The following ATL1 variants were observed in gnomAD, a reference collection of about 807,000 sequenced individuals.
ATL1 encodes atlastin-1.
In ATL1, 31 loss-of-function variants were observed where a neutral mutation model predicts 75.5. The observed-to-expected ratio is 0.41, with a 90% CI of 0.31 to 0.55. ATL1 has a LOEUF of 0.55. Ranked by LOEUF, ATL1 falls within the 20% of genes least tolerant of loss-of-function variation. The probability of loss-of-function intolerance (pLI) is 0.27; values close to 1 mark genes in which losing one functional copy is unlikely to be tolerated. For synonymous variants in ATL1, 226 were observed against 233.3 expected (o/e 0.97, Z 0.28); for missense variants, 405 against 662.6 (o/e 0.61, Z 4.27).
chr14:50,536,018 G>A (rs2038486992), intron 1 of ATL1, among the ~76,000 whole-genome samples: 1 of 152,246 alleles, frequency 6.6e-6, no homozygotes, highest in Non-Finnish European at 1.5e-5. Flanking sequence ...GACATGACTT[G>A]CTCTTCCTTG....
chr14:50,605,133 T>C (rs2039305239), intron 6 of ATL1, among the ~76,000 whole-genome samples: 1 of 152,050 alleles, frequency 6.6e-6, no homozygotes, highest in Non-Finnish European at 1.5e-5. Context: ...TTGTCTCTAA[T>C]TTTTCTGCCC....
intron 6 of ATL1, among the ~76,000 whole-genome samples, chr14:50,607,111 C>T (rs1380515143): frequency 6.6e-6 from 1 of 151,908 alleles, no homozygotes; most frequent in Non-Finnish European, 1.5e-5. Flanking sequence ...ACAGATTCAC[C>T]TGGAAGCAAA....
chr14:50,586,335 G>T (rs190978015), intron 1 of ATL1, among the ~76,000 whole-genome samples: 6 of 152,298 alleles, frequency 3.9e-5, no homozygotes, highest in Admixed American at 1.3e-4. Context: ...AGATGAGACT[G>T]CCAGCAGGGC....
intron 1 of ATL1, among the ~76,000 whole-genome samples, chr14:50,565,205 G>C (rs923687230): frequency 6.6e-6 from 1 of 152,038 alleles, no homozygotes; most frequent in African/African-American, 2.4e-5. Flanking sequence ...CAGGAGAATG[G>C]TGTGAACCTG....
intron 1 of ATL1, among the ~76,000 whole-genome samples, chr14:50,551,960 A>T (rs551918001): frequency 2.6e-5 from 4 of 152,292 alleles, no homozygotes; most frequent in African/African-American, 9.6e-5. Flanking sequence ...ACAAGACAAG[A>T]ATACCCACTT....
intron 4 of ATL1, among the ~76,000 whole-genome samples, chr14:50,592,721 C>CT (rs1275062276): frequency 6.6e-6 from 1 of 151,356 alleles, no homozygotes; most frequent in African/African-American, 2.4e-5. Context: ...ACCATCCTGG[C>CT]TAACACGGTG....
At chr14:50,601,580 G>GT (rs1261160230) in intron 6 of ATL1, among the ~76,000 whole-genome samples, 2 of 152,148 alleles carry the variant, frequency 1.3e-5, no homozygotes, top group African/African-American at 2.4e-5. Context: ...TTTAACAACT[G>GT]TTTTTTGCAA....
chr14:50,605,195 A>G (rs2039305835), intron 6 of ATL1, among the ~76,000 whole-genome samples: 1 of 151,556 alleles, frequency 6.6e-6, no homozygotes, highest in Non-Finnish European at 1.5e-5. Flanking sequence ...TTTGTAAATC[A>G]TACGTATTAT....
At chr14:50,595,047 A>C (rs1333598220) in intron 5 of ATL1, among the ~76,000 whole-genome samples, 1 of 151,920 alleles carries the variant, frequency 6.6e-6, no homozygotes. Flanking sequence ...GAAAAAAGAC[A>C]AAGAAAGGAA....
intron 8 of ATL1, among the ~76,000 whole-genome samples, chr14:50,618,825 A>G (rs2140230664): frequency 6.6e-6 from 1 of 151,978 alleles, no homozygotes; most frequent in East Asian, 1.9e-4. Context: ...GCTTTTTTAC[A>G]TAGTATGTGT....
chr14:50,616,017 A>T (rs963183827), intron 8 of ATL1, among the ~76,000 whole-genome samples: 3 of 152,208 alleles, frequency 2.0e-5, no homozygotes, highest in Non-Finnish European at 2.9e-5. Context: ...TTTTAGATAC[A>T]GGGTCTCACT....
chr14:50,590,910 G>A lies in ATL1; in HGVS notation c.283-31G>A, dbSNP rs1445178028. The A allele has an allele frequency of 1.7e-5, 28 of 1,608,958 alleles. No homozygotes were observed. In the East Asian group the frequency reaches 6.2e-4, roughly 36 times the overall value. ...GGAAAAAACTATATACACATATCAAGTTCCATATCATAGACTTTATCATTT... is the reference window on the plus strand; with the variant it reads ...GGAAAAAACTATATACACATATCAAATTCCATATCATAGACTTTATCATTT... On this transcript the variant is annotated intron_variant, in intron 2 of 13. Transcript: ENST00000358385.
rs747362836 is a variant in ATL1, at chr14:50,613,306, A to T, written c.678A>T (p.Ser226=). The stretch of plus-strand genomic sequence containing the variant: ...ACTGGAGTTTCCCATACGAATTTTC[A>T]TATGGAGCCGATGGTGGTGCCAAAT... ...VRDWSFPYEF[S]YGADGGAKFL... is the part of the protein sequence containing the mutation. The change falls in exon 7 of 14, where the codon TCA becomes TCT. Residue 226 remains serine (S), a synonymous_variant. Coordinates refer to ENST00000358385, the MANE Select transcript of ATL1 (RefSeq NM_015915.5). 1 of 1,613,362 alleles carries T rather than the reference A, an allele frequency of 6.2e-7. No individual in the cohort carries two copies. The highest frequency in any genetic ancestry group is 1.1e-5 in the South Asian group (1 of 91,064).
chr14:50,563,822 T>G (rs1314363986), intron 1 of ATL1, among the ~76,000 whole-genome samples: 1 of 152,338 alleles, frequency 6.6e-6, no homozygotes, highest in Non-Finnish European at 1.5e-5. Flanking sequence ...ACTCTTAAGA[T>G]GTTTGAATAA....
At chr14:50,621,582 G>C (rs557079314) in intron 9 of ATL1, among the ~76,000 whole-genome samples, 17 of 152,292 alleles carry the variant, frequency 1.1e-4, no homozygotes, top group African/African-American at 4.1e-4. Context: ...AGGGGTCTAA[G>C]AACATTTTAA....
intron 1 of ATL1, among the ~76,000 whole-genome samples, chr14:50,534,682 G>A (rs1223549876): frequency 6.6e-6 from 1 of 152,212 alleles, no homozygotes; most frequent in Admixed American, 6.5e-5. Flanking sequence ...ACTCTATGTG[G>A]TGGTTAAAAA....
At chr14:50,596,088 G>A (rs1476546882) in intron 6 of ATL1, among the ~76,000 whole-genome samples, 3 of 152,194 alleles carry the variant, frequency 2.0e-5, no homozygotes, top group Non-Finnish European at 2.9e-5. Flanking sequence ...GAAAACAAGT[G>A]TCTATATTTT....
chr14:50,630,188 T>G (rs2039566391), intron 13 of ATL1, among the ~76,000 whole-genome samples, 179 bp downstream of exon 13: 2 of 151,580 alleles, frequency 1.3e-5, no homozygotes, highest in African/African-American at 4.9e-5. Context: ...TTTAACTTTT[T>G]CTAGACATCA....
At chr14:50,567,861 C>A (rs1030005437) in intron 1 of ATL1, among the ~76,000 whole-genome samples, 1 of 152,084 alleles carries the variant, frequency 6.6e-6, no homozygotes, top group African/African-American at 2.4e-5. Context: ...TAGTATTATA[C>A]CTATCTTTTT....
Sources: allele counts gnomAD v4.1 joint callset (sites outside exome capture counted in the v4.1 genomes callset), GRCh38; gene constraint gnomAD v4.1.1; transcripts MANE v1.5; gene names NCBI Gene and HGNC (gene_info 2026-07-23, HGNC 2026-07-21).